FAM111A: variants seen among roughly 807,000 people sequenced by gnomAD.
FAM111A encodes FAM111 trypsin like peptidase A.
In FAM111A, 8 loss-of-function variants were observed where a neutral mutation model predicts 3.3. That is an observed-to-expected ratio of 2.39 (90% CI 1.40 to 4.32). FAM111A has a LOEUF of 4.32. FAM111A is among the 30% of genes most tolerant of loss of function. FAM111A has a pLI of 0.00. For synonymous variants in FAM111A, 227 were observed against 243.1 expected, an observed-to-expected ratio of 0.93 and a Z score of 0.62; for missense variants, 683 against 727.6, an observed-to-expected ratio of 0.94 and a Z score of 0.71.
chr11:59,153,412 C>A lies in FAM111A; in HGVS notation c.1744C>A (p.Leu582Ile). 6.2e-7 allele frequency: 1 copy of A among 1,613,970 alleles called. No homozygotes were observed. Among genetic ancestry groups the A allele is most frequent in the Non-Finnish European group, 8.5e-7 (1 of 1,179,916 alleles). ...IEFGSTMESI[L>I]LDIKQRHKPW... ...GTTTGGCTCTACCATGGAATCCATC[C>A]TCCTTGATATTAAGCAAAGACATAA... The change falls in exon 6 of 6, where the codon CTC becomes ATC. Residue 582 changes from leucine to isoleucine, a missense_variant. By Grantham distance (5) the Leu-to-Ile change is conservative (BLOSUM62 2). Around this residue, in one of 3 missense-constraint regions of FAM111A, gnomAD observed 122 missense variants for 110.9 expected, o/e 1.10. Transcript: ENST00000675163.
At chr11:59,147,130 G>C (rs1861030067) in intron 4 of FAM111A, among the ~76,000 whole-genome samples, 1 of 152,142 alleles carries the variant, frequency 6.6e-6, no homozygotes, top group Non-Finnish European at 1.5e-5. Context: ...TTCATTCAGA[G>C]AGCCAGCAAA....
rs1357897681 is a variant in FAM111A at position 59,148,892 on chromosome 11, G to A, written c.20G>A (p.Arg7Lys). ...GCCATCATGAGCTGTAAGAAGCAGA[G>A]GTCACGGAAGCACTCAGTCAATGAA... Reference protein sequence around the residue: MSCKKQRSRKHSVNEKC... With the variant: MSCKKQKSRKHSVNEKC... The change falls in exon 5 of 6, where the codon AGG becomes AAG. Residue 7 changes from arginine to lysine, a missense_variant. Coordinates refer to ENST00000675163, the MANE Select transcript of FAM111A (RefSeq NM_001312909.2). The A allele has an allele frequency of 6.2e-7, 1 of 1,613,744 alleles. No homozygotes were observed. The highest frequency in any genetic ancestry group is 8.5e-7 in the Non-Finnish European group (1 of 1,179,680).
chr11:59,149,661 T>C (rs181566907), intron 5 of FAM111A, among the ~76,000 whole-genome samples: 47 of 152,358 alleles, frequency 3.1e-4, no homozygotes, highest in Admixed American at 1.2e-3. Context: ...CAATTGTAAT[T>C]ATAACCTACA....
rs750737201 is a variant in FAM111A, at chr11:59,152,182, G to A, written c.514G>A (p.Gly172Ser). The A allele has an allele frequency of 2.5e-6, 4 of 1,614,000 alleles. No homozygotes were observed. Among genetic ancestry groups the A allele is most frequent in the Non-Finnish European group, 3.4e-6 (4 of 1,180,036 alleles). Residue 172 changes from glycine (G) to serine (S), a missense_variant, in exon 6 of 6, where the codon GGC becomes AGC. Around this residue, in one of 3 missense-constraint regions of FAM111A, gnomAD observed 557 missense variants for 600.2 expected, o/e 0.93. Transcript: ENST00000675163. ...GCAGAAGGAAGATAACCACATATTT[G>A]GCAGGCAGGACAAAGCATCGACTGA... ...SKQKEDNHIF[G>S]RQDKASTECV...
Position 59,153,702 on chromosome 11 carries a change from A to T in FAM111A, c.*198A>T. The T allele has an allele frequency of 2.2e-6, 1 of 456,168 alleles. No individual in the cohort carries two copies. Among genetic ancestry groups the T allele is most frequent in the South Asian group, 3.4e-5 (1 of 29,082 alleles). The allele number at this position is 456,168 out of a possible 1,614,324, so 28.3% of individuals were successfully genotyped here. ...TATGAGATGGACTATAACTTGCCCAAATTTTTTTTTTTTTTTTGAGACTGA... is the reference window on the plus strand; with the variant it reads ...TATGAGATGGACTATAACTTGCCCATATTTTTTTTTTTTTTTTGAGACTGA... On this transcript the variant is annotated 3_prime_UTR_variant, in exon 6 of 6. Transcript: ENST00000675163.
At position 59,148,841 on chromosome 11, in the gene FAM111A, C is replaced by A. The variant is rs116757888; in HGVS notation, c.-32C>A. The A allele has an allele frequency of 1.6e-3, 2,388 of 1,509,010 alleles. 38 individuals are homozygous for A. The African/African-American group carries it at 0.029, about 18-fold the overall frequency. The allele number at this position is 1,509,010 out of a possible 1,614,324, so 93.5% of individuals were successfully genotyped here. A position where few individuals can be genotyped will look rare whatever the true frequency, so the allele number is the denominator to read the frequency against. On this transcript the variant is annotated 5_prime_UTR_variant, in exon 5 of 6. Transcript: ENST00000675163. ...ATTTGAAAATTTGAAATTAGTGTTT[C>A]AGCTGAACCATCCGTTCATCTTCAA...
Position 59,153,791 on chromosome 11 carries a change from T to C in FAM111A, c.*287T>C. 4.9e-6 allele frequency: 1 copy of C among 204,922 alleles called. No homozygotes were observed. The highest frequency in any genetic ancestry group is 9.6e-6 in the Non-Finnish European group (1 of 103,734). The allele number at this position is 204,922 out of a possible 1,614,324, so 12.7% of individuals were successfully genotyped here. ...ATCTCAGCTCACTGCAACTTCCACCTCCCAGGTTCAAGCGATTCTTATGCC... is the reference window on the plus strand; with the variant it reads ...ATCTCAGCTCACTGCAACTTCCACCCCCCAGGTTCAAGCGATTCTTATGCC... On this transcript the variant is annotated 3_prime_UTR_variant, in exon 6 of 6. Coordinates refer to ENST00000675163, the MANE Select transcript of FAM111A (RefSeq NM_001312909.2).
At position 59,152,195 on chromosome 11, in the gene FAM111A, A is replaced by C; in HGVS notation, c.527A>C (p.Lys176Thr). Reference protein sequence around the residue: ...EDNHIFGRQDKASTECVKFYI... With the variant: ...EDNHIFGRQDTASTECVKFYI... ...AACCACATATTTGGCAGGCAGGACA[A>C]AGCATCGACTGAATGTGTCAAATTT... The change falls in exon 6 of 6, where the codon AAA becomes ACA. Residue 176 changes from lysine (K) to threonine (T), a missense_variant. By Grantham distance (78) the Lys-to-Thr change is moderately conservative (BLOSUM62 -1). Around this residue, in one of 3 missense-constraint regions of FAM111A, gnomAD observed 557 missense variants for 600.2 expected, o/e 0.93. Coordinates refer to ENST00000675163, the MANE Select transcript of FAM111A (RefSeq NM_001312909.2). The C allele has an allele frequency of 1.2e-6, 2 of 1,614,212 alleles. No individual in the cohort carries two copies. Among genetic ancestry groups the C allele is most frequent in the Non-Finnish European group, 1.7e-6 (2 of 1,180,034 alleles).
chr11:59,149,017 C>T, intron 5 of FAM111A, 64 bp downstream of exon 5: 1 of 1,219,322 alleles, frequency 8.2e-7, no homozygotes, highest in Non-Finnish European at 1.2e-6. Flanking sequence ...AGATTTGTTC[C>T]AGGACCTCTC....
intron 5 of FAM111A, 127 bp from the exon 6 acceptor site, chr11:59,151,623 T>G: frequency 1.4e-6 from 1 of 696,256 alleles, no homozygotes; most frequent in Non-Finnish European, 2.4e-6. Context: ...GATTTAATAT[T>G]ATTCACTGGC....
rs1555019403 is a variant in FAM111A, at chr11:59,153,265, G to T, written c.1597G>T (p.Asp533Tyr). Residue 533 changes from aspartate to tyrosine, a missense_variant, in exon 6 of 6, where the codon GAC becomes TAC. Transcript: ENST00000675163. ...TCACAACCCTGATGTGATTACCTAT[G>T]ACACTGAATTTTTCTTTGGGGCTTC... ...IVHNPDVITY[D>Y]TEFFFGASGS... 3 of 1,614,146 alleles carry T rather than the reference G, an allele frequency of 1.9e-6. No individual in the cohort carries two copies. The Admixed American group carries it at 5.0e-5, about 27-fold the overall frequency.
At chr11:59,147,722 CTA>C in intron 4 of FAM111A, among the ~76,000 whole-genome samples, 1 of 152,166 alleles carries the variant, frequency 6.6e-6, no homozygotes, top group Non-Finnish European at 1.5e-5. Flanking sequence ...GAACAATTAA[CTA>C]TGTGATAGGT....
At position 59,152,861 on chromosome 11, in the gene FAM111A, G is replaced by GT; in HGVS notation, c.1194dup (p.Lys399Ter). ...ATTGTGGGAGACGGAATAGAGCCAA[G>GT]TAAGTGGGCAACCATAATTGGTCAA... On this transcript the variant is annotated frameshift_variant, in exon 6 of 6. Coordinates refer to ENST00000675163, the MANE Select transcript of FAM111A (RefSeq NM_001312909.2). LOFTEE classifies it low-confidence loss of function (END_TRUNC). The GT allele has an allele frequency of 6.2e-7, 1 of 1,614,012 alleles. No individual in the cohort carries two copies.
At chr11:59,149,706 T>TA (rs1272708641) in intron 5 of FAM111A, among the ~76,000 whole-genome samples, 1 of 152,210 alleles carries the variant, frequency 6.6e-6, no homozygotes, top group Non-Finnish European at 1.5e-5. Flanking sequence ...TTTTTTAATA[T>TA]ATTTGTTCTT....
In FAM111A at chr11:59,151,976, G is replaced by A. The variant is rs1861725501; in HGVS notation, c.308G>A (p.Ser103Asn). The change falls in exon 6 of 6, where the codon AGC (serine) becomes AAC (asparagine). Residue 103 changes from serine (S) to asparagine (N), a missense_variant. Transcript: ENST00000675163. ...KLKLTHSENS[S>N]LYMALNTLQA... ...AAGCTCACACATAGTGAGAATAGTAGCTTATATATGGCTCTCAACACTCTC... is the reference window on the plus strand; with the variant it reads ...AAGCTCACACATAGTGAGAATAGTAACTTATATATGGCTCTCAACACTCTC... The A allele has an allele frequency of 1.9e-5, 30 of 1,614,150 alleles. No individual in the cohort carries two copies. The highest frequency in any genetic ancestry group is 2.5e-5 in the Non-Finnish European group (30 of 1,180,028).
chr11:59,144,700 A>T (rs1027796103), intron 3 of FAM111A: 41 of 152,452 alleles, frequency 2.7e-4, no homozygotes, highest in Admixed American at 2.6e-3. Context: ...CGGAAGAGGC[A>T]CGGCTGATTT....
chr11:59,146,016 CATATATAAT>C (rs749872284), intron 4 of FAM111A, among the ~76,000 whole-genome samples, 160 bp downstream of exon 4: 14 of 150,598 alleles, frequency 9.3e-5, no homozygotes, highest in Non-Finnish European at 8.9e-5. Context: ...AGATAGATTG[CATATATAAT>C]ATATATAATA....
rs371338328 is a variant in FAM111A, at chr11:59,152,386, T to C, written c.718T>C (p.Trp240Arg). The change falls in exon 6 of 6, where the codon TGG becomes CGG. Residue 240 changes from tryptophan to arginine, a missense_variant. By Grantham distance (101) the Trp-to-Arg change is moderately radical (BLOSUM62 -3). Around this residue, in one of 3 missense-constraint regions of FAM111A, gnomAD observed 557 missense variants for 600.2 expected, o/e 0.93. Coordinates refer to ENST00000675163, the MANE Select transcript of FAM111A (RefSeq NM_001312909.2). ...RFLSFLENDDWKLIENNDTIL... is the reference protein window; with the variant it reads ...RFLSFLENDDRKLIENNDTIL... ...TCTTTCCTTTCTGGAGAATGATGAT[T>C]GGAAACTCATTGAAAACAATGACAC... 2 of 1,614,146 alleles carry C rather than the reference T, an allele frequency of 1.2e-6. No individual in the cohort carries two copies. The highest frequency in any genetic ancestry group is 1.7e-6 in the Non-Finnish European group (2 of 1,180,014).
In FAM111A at chr11:59,142,953, AC is replaced by A. The variant is rs1350058658; in HGVS notation, c.-528+9del. ...ACCGGGAGAATAGAAGCAGGCAAGGACCGCCGTGGGCACGGGGTCAGTGAGA... is the reference window on the plus strand; with the variant it reads ...ACCGGGAGAATAGAAGCAGGCAAGGACGCCGTGGGCACGGGGTCAGTGAGA... On this transcript the variant is annotated splice_region_variant and intron_variant, in intron 1 of 5. Coordinates refer to ENST00000675163, the MANE Select transcript of FAM111A (RefSeq NM_001312909.2). 2 of 152,204 alleles carry A rather than the reference AC, an allele frequency of 1.3e-5. No homozygotes were observed. The highest frequency in any genetic ancestry group is 1.3e-4 in the Admixed American group (2 of 15,278). 9.4% of individuals were successfully genotyped at this position (152,204 alleles called of 1,614,324 possible).
Sources: allele counts gnomAD v4.1 joint callset (sites outside exome capture counted in the v4.1 genomes callset), GRCh38; gene constraint gnomAD v4.1.1; regional missense constraint gnomAD v4.1.1; transcripts MANE v1.5; gene names NCBI Gene and HGNC (gene_info 2026-07-23, HGNC 2026-07-21).